Variants in PARD3 observed in about 807,000 individuals in gnomAD.
PARD3 encodes par-3 family cell polarity regulator, also known as partitioning defective 3 homolog.
Under a neutral mutation model 155.4 loss-of-function variants are expected in PARD3, and 75 were observed. The observed-to-expected ratio is 0.48, with a 90% CI of 0.40 to 0.58. PARD3 has a LOEUF of 0.58. PARD3 is among the 20% of genes least tolerant of loss of function. PARD3 has a pLI of 0.00. For missense variants in PARD3, 1,642 were observed against 1,721.7 expected (o/e 0.95, Z 0.82); for synonymous variants, 576 against 610.5 (o/e 0.94, Z 0.83).
rs180966344 is a variant in PARD3, at chr10:34,438,908, G to C, written c.714+11409C>G. On this transcript the variant is annotated intron_variant, in intron 5 of 24. Transcript: ENST00000374788. ...GGGAACCAAGTGTGTGAACTGTGAG[G>C]GAGTGCAAGCCAGGCTGGTGCCACA... Among the ~76,000 whole-genome samples the C allele has an allele frequency of 6.9e-4, 105 of 152,228 alleles. 1 individual carries two copies. Among genetic ancestry groups the C allele is most frequent in the South Asian group, 6.6e-3 (32 of 4,818 alleles).
At chr10:34,771,801 G>T (rs888800141) in intron 1 of PARD3, among the ~76,000 whole-genome samples, 1 of 152,200 alleles carries the variant, frequency 6.6e-6, no homozygotes, top group African/African-American at 2.4e-5. Flanking sequence ...AGAAACAAAG[G>T]AGTTTTTCAA....
chr10:34,225,897 G>C (rs763665509), intron 22 of PARD3, among the ~76,000 whole-genome samples: 2 of 151,986 alleles, frequency 1.3e-5, no homozygotes, highest in Non-Finnish European at 2.9e-5. Flanking sequence ...TGGATTCATC[G>C]AAATTAAAAA....
intron 18 of PARD3, among the ~76,000 whole-genome samples, chr10:34,333,423 C>T (rs191573668): frequency 1.6e-4 from 25 of 152,100 alleles, no homozygotes; most frequent in Admixed American, 1.2e-3. Context: ...TTTGTAAGTG[C>T]AATTCAGAGC....
intron 15 of PARD3, chr10:34,346,126 G>A: frequency 3.0e-6 from 3 of 1,015,152 alleles, no homozygotes; most frequent in Non-Finnish European, 3.5e-6. Flanking sequence ...TTACTGCCCT[G>A]GGGAAGCATC....
At chr10:34,424,159 G>A (rs2132452970) in intron 5 of PARD3, among the ~76,000 whole-genome samples, 1 of 152,214 alleles carries the variant, frequency 6.6e-6, no homozygotes, top group African/African-American at 2.4e-5. Flanking sequence ...GCTAAAAATT[G>A]ATGAACACTT....
intron 1 of PARD3, among the ~76,000 whole-genome samples, chr10:34,790,765 A>G (rs1375878939): frequency 6.6e-6 from 1 of 152,256 alleles, no homozygotes; most frequent in African/African-American, 2.4e-5. Flanking sequence ...TTACTAAGTC[A>G]TACAAAAACT....
chr10:34,200,536 C>T (rs996806559), intron 22 of PARD3, among the ~76,000 whole-genome samples: 2 of 151,694 alleles, frequency 1.3e-5, no homozygotes, highest in Admixed American at 1.3e-4. Context: ...GAGTCTTAGT[C>T]TGTAGCAGAA....
intron 22 of PARD3, among the ~76,000 whole-genome samples, chr10:34,176,487 T>A (rs563666327): frequency 1.3e-5 from 2 of 152,210 alleles, no homozygotes; most frequent in Non-Finnish European, 2.9e-5. Flanking sequence ...TGGAAGTAGA[T>A]AATGTGTTTA....
chr10:34,418,537 C>T (rs1373174393), intron 5 of PARD3, among the ~76,000 whole-genome samples: 2 of 152,192 alleles, frequency 1.3e-5, no homozygotes, highest in African/African-American at 4.8e-5. Flanking sequence ...TGTTACTCTG[C>T]AAGCCTTAAT....
At chr10:34,205,998 T>C (rs765103972) in intron 22 of PARD3, among the ~76,000 whole-genome samples, 1 of 152,184 alleles carries the variant, frequency 6.6e-6, no homozygotes, top group Non-Finnish European at 1.5e-5. Context: ...TCTTGCCTCC[T>C]GCCTCACTAC....
At chr10:34,248,699 C>T (rs77955776) in intron 22 of PARD3, among the ~76,000 whole-genome samples, 4,363 of 152,288 alleles carry the variant, frequency 0.029, 100 homozygotes, top group Non-Finnish European at 0.038. Flanking sequence ...GGCTGTGAAG[C>T]CGCAAAGGCA....
chr10:34,121,452 TATTG>T (rs1333042514), intron 23 of PARD3, among the ~76,000 whole-genome samples: 1 of 152,228 alleles, frequency 6.6e-6, no homozygotes, highest in Middle Eastern at 3.2e-3. Flanking sequence ...TGAAACAAGT[TATTG>T]ATTTTCTTTT....
chr10:34,511,001 A>G (rs991480959), intron 3 of PARD3, among the ~76,000 whole-genome samples: 1 of 152,240 alleles, frequency 6.6e-6, no homozygotes, highest in Non-Finnish European at 1.5e-5. Flanking sequence ...CAGGATTTAA[A>G]TAAGATCCAG....
intron 2 of PARD3, among the ~76,000 whole-genome samples, chr10:34,630,136 A>G (rs977811487): frequency 2.6e-5 from 4 of 152,020 alleles, no homozygotes; most frequent in African/African-American, 9.7e-5. Context: ...TAGCAATGGT[A>G]CTCCTGGAGT....
intron 22 of PARD3, among the ~76,000 whole-genome samples, chr10:34,149,237 G>A (rs1948668087): frequency 6.6e-6 from 1 of 151,968 alleles, no homozygotes; most frequent in African/African-American, 2.4e-5. Flanking sequence ...TGCAGTTTTA[G>A]GTAGAAATCA....
chr10:34,683,358 A>G (rs570752515), intron 2 of PARD3, among the ~76,000 whole-genome samples: 83 of 152,158 alleles, frequency 5.5e-4, no homozygotes, highest in South Asian at 6.2e-4. Flanking sequence ...CCTATGTAAT[A>G]TAACTACACA....
At chr10:34,768,501 T>G (rs2134072155) in intron 1 of PARD3, among the ~76,000 whole-genome samples, 2 of 152,280 alleles carry the variant, frequency 1.3e-5, no homozygotes, top group African/African-American at 4.8e-5. Flanking sequence ...AGTTTCTGAT[T>G]AGCTTCTCCA....
At chr10:34,213,943 G>A (rs1951877930) in intron 22 of PARD3, among the ~76,000 whole-genome samples, 1 of 152,152 alleles carries the variant, frequency 6.6e-6, no homozygotes, top group Non-Finnish European at 1.5e-5. Flanking sequence ...AGGCTAGAGT[G>A]CAGTTGCAGT....
intron 22 of PARD3, among the ~76,000 whole-genome samples, chr10:34,161,459 T>C (rs1949276190): frequency 6.6e-6 from 1 of 152,064 alleles, no homozygotes; most frequent in Non-Finnish European, 1.5e-5. Flanking sequence ...AGCTTCTTAA[T>C]TCTGCTTTAC....
Sources: gnomAD v4.1 joint callset for allele counts (sites outside exome capture counted in the v4.1 genomes callset) on GRCh38, gnomAD v4.1.1 for gene constraint, MANE v1.5 for transcripts, NCBI Gene and HGNC (gene_info 2026-07-23, HGNC 2026-07-21) for gene names.